The following CELSR3 variants were observed in gnomAD, a reference collection of about 807,000 sequenced individuals.
CELSR3 encodes EGF-like protein 1.
CELSR3 carries 73 observed loss-of-function variants against 270.0 expected under a neutral mutation model. The observed-to-expected ratio is 0.27, with a 90% CI of 0.22 to 0.33. CELSR3 has a LOEUF of 0.33. CELSR3 is among the 10% of genes least tolerant of loss of function. CELSR3 has a pLI of 1.00. For synonymous variants in CELSR3, 1,780 were observed against 1,905.4 expected, an observed-to-expected ratio of 0.93 and a Z score of 1.71; for missense variants, 3,614 against 4,533.8, an observed-to-expected ratio of 0.80 and a Z score of 5.83.
chr3:48,641,370 G>A lies in CELSR3; in HGVS notation c.8979C>T (p.Thr2993=). The A allele has an allele frequency of 6.2e-7, 1 of 1,612,464 alleles. No individual in the cohort carries two copies. The highest frequency in any genetic ancestry group is 8.5e-7 in the Non-Finnish European group (1 of 1,179,708). ...ANNNQPDPAL[T]SGDETSLGRA... ...GGCCCAGAGAAGTCTCATCCCCACT[G>A]GTCAGGGCCGGGTCTGGCTGGTTGT... The change falls in exon 33 of 35, where the codon ACC becomes ACT. Residue 2993 remains threonine, a synonymous_variant. Coordinates refer to ENST00000164024, the MANE Select transcript of CELSR3 (RefSeq NM_001407.3). The surrounding 1 kb of genome is among the most constrained non-coding windows in gnomAD (Gnocchi z 4.8).
At position 48,650,422 on chromosome 3, in the gene CELSR3, A is replaced by T; in HGVS notation, c.6472+58T>A. 8.0e-7 allele frequency: 1 copy of T among 1,252,146 alleles called. No homozygotes were observed. The highest frequency in any genetic ancestry group is 1.1e-6 in the Non-Finnish European group (1 of 880,572). The allele number at this position is 1,252,146 out of a possible 1,614,324, so 77.6% of individuals were successfully genotyped here. A position where few individuals can be genotyped will look rare whatever the true frequency, so the allele number is the denominator to read the frequency against. ...ATTTAGGAAAAGACATGGCTCTAGC[A>T]GTCAGAGTACAGGCCCACCCCCACC... On this transcript the variant is annotated intron_variant, in intron 16 of 34. Transcript: ENST00000164024. The surrounding 1 kb of genome is among the most constrained non-coding windows in gnomAD (Gnocchi z 5.1).
Position 48,651,018 on chromosome 3 carries a change from C to G in CELSR3, c.6244G>C (p.Val2082Leu), listed in dbSNP as rs199874370. The G allele has an allele frequency of 6.3e-7, 1 of 1,598,266 alleles. No homozygotes were observed. The highest frequency in any genetic ancestry group is 1.8e-5 in the Admixed American group (1 of 56,986). The change falls in exon 15 of 35, where the codon GTG becomes CTG. Residue 2082 changes from valine (V) to leucine (L), a missense_variant. Val to Leu is a conservative substitution (Grantham distance 32). Transcript: ENST00000164024. This position sits in a 1 kb window ranked among gnomAD's most constrained non-coding sequence, Gnocchi z 7.4. The part of the protein sequence containing the change: ...DSCLPCDCYP[V>L]GSTSRSCAPH... ...GCACATGAGCGCGAGGTGGAGCCCACAGGGTAGCAGTCACATGGGAGGCAA... is the reference window on the plus strand; with the variant it reads ...GCACATGAGCGCGAGGTGGAGCCCAGAGGGTAGCAGTCACATGGGAGGCAA...
Position 48,642,731 on chromosome 3 carries a change from C to G in CELSR3, c.8555+5G>C, listed in dbSNP as rs367991837. 3.1e-6 allele frequency: 5 copies of G among 1,608,460 alleles called. No individual in the cohort carries two copies. The highest frequency in any genetic ancestry group is 4.2e-6 in the Non-Finnish European group (5 of 1,179,228). On this transcript the variant is annotated splice_donor_5th_base_variant and intron_variant, in intron 30 of 34. Transcript: ENST00000164024. This position sits in a 1 kb window ranked among gnomAD's most constrained non-coding sequence, Gnocchi z 6.1. ...GTTCCCTCACAAGGAGGCTCTTCCT[C>G]TCACCTGAGGTAGCTGCGGCCCCGC...
chr3:48,644,920 G>T lies in CELSR3; in HGVS notation c.7973-92C>A. 1 of 1,508,800 alleles carries T rather than the reference G, an allele frequency of 6.6e-7. No individual in the cohort carries two copies. The highest frequency in any genetic ancestry group is 9.1e-7 in the Non-Finnish European group (1 of 1,097,906). The allele number at this position is 1,508,800 out of a possible 1,614,324, so 93.5% of individuals were successfully genotyped here. The stretch of plus-strand genomic sequence containing the variant: ...AGAAAGCATGGGTGAGGGCAGAGCA[G>T]CAACCCCATGAATAGATGGCTTGGG... On this transcript the variant is annotated intron_variant, in intron 25 of 34. Coordinates refer to ENST00000164024, the MANE Select transcript of CELSR3 (RefSeq NM_001407.3). The surrounding 1 kb of genome is among the most constrained non-coding windows in gnomAD (Gnocchi z 4.8).
In CELSR3 at chr3:48,644,398, G is replaced by GA. The variant is rs1363814071; in HGVS notation, c.8086-104dup. On this transcript the variant is annotated intron_variant, in intron 26 of 34. Coordinates refer to ENST00000164024, the MANE Select transcript of CELSR3 (RefSeq NM_001407.3). The surrounding 1 kb of genome is among the most constrained non-coding windows in gnomAD (Gnocchi z 4.8). ...AGACTAAGATTCACGGAGAGAGGCA[G>GA]AACCAGTGAGAAATTCACACATATA... 2.8e-6 allele frequency: 3 copies of GA among 1,077,160 alleles called. No individual in the cohort carries two copies. The Admixed American group carries it at 5.8e-5, about 21-fold the overall frequency. 66.7% of individuals were successfully genotyped at this position (1,077,160 alleles called of 1,614,324 possible).
rs1044679298 is a variant in CELSR3 at position 48,637,762 on chromosome 3, C to G, written c.*443G>C. 9.0e-5 allele frequency: 15 copies of G among 165,970 alleles called. No individual in the cohort carries two copies. Among genetic ancestry groups the G allele is most frequent in the Admixed American group, 6.7e-4 (11 of 16,464 alleles). 10.3% of individuals were successfully genotyped at this position (165,970 alleles called of 1,614,324 possible). On this transcript the variant is annotated 3_prime_UTR_variant, in exon 35 of 35. Coordinates refer to ENST00000164024, the MANE Select transcript of CELSR3 (RefSeq NM_001407.3). ...TTTGGGCCCCTGACGATACTCAGAT[C>G]AACTTGGGGGTGGAATAGGGGGAGG...
rs1454196428 is a variant in CELSR3 at position 48,642,280 on chromosome 3, C to T, written c.8665+78G>A. ...CGTCCCACCCCAGTCAGCCACTGCT[C>T]CCAGTATGGGGTAGAAGAAAAGGGG... On this transcript the variant is annotated intron_variant, in intron 31 of 34. Coordinates refer to ENST00000164024, the MANE Select transcript of CELSR3 (RefSeq NM_001407.3). The surrounding 1 kb of genome is among the most constrained non-coding windows in gnomAD (Gnocchi z 6.1). The T allele has an allele frequency of 6.8e-7, 1 of 1,464,722 alleles. No homozygotes were observed. The allele number at this position is 1,464,722 out of a possible 1,614,324, so 90.7% of individuals were successfully genotyped here.
At position 48,658,579 on chromosome 3, in the gene CELSR3, G is replaced by A. The variant is rs1327812659; in HGVS notation, c.3748+308C>T. Among the ~76,000 whole-genome samples the A allele has an allele frequency of 6.6e-6, 1 of 152,198 alleles. No homozygotes were observed. The highest frequency in any genetic ancestry group is 1.5e-5 in the Non-Finnish European group (1 of 68,024). On this transcript the variant is annotated intron_variant, in intron 1 of 34. Transcript: ENST00000164024. The surrounding 1 kb of genome is among the most constrained non-coding windows in gnomAD (Gnocchi z 4.7). The stretch of plus-strand genomic sequence containing the variant: ...ATACTGGCTTTGCCTAGGACCTCCA[G>A]AGGATTACCCCAGGACCTCTGACCT...
chr3:48,649,292 A>T (rs2047115679), intron 16 of CELSR3, 77 bp from the exon 17 acceptor site: 2 of 1,138,484 alleles, frequency 1.8e-6, no homozygotes. Flanking sequence ...ACCCTCTCCT[A>T]TGCTGGGGGA....
In CELSR3 at chr3:48,655,659, A is replaced by G. The variant is rs2047174021; in HGVS notation, c.4741+77T>C. On this transcript the variant is annotated intron_variant, in intron 4 of 34. Coordinates refer to ENST00000164024, the MANE Select transcript of CELSR3 (RefSeq NM_001407.3). This position sits in a 1 kb window ranked among gnomAD's most constrained non-coding sequence, Gnocchi z 5.8. ...GAGTGTGTGCTCAGGTGCACAGTGAAGCAAACCTGAGGGGACTTGGGCCCT... is the reference window on the plus strand; with the variant it reads ...GAGTGTGTGCTCAGGTGCACAGTGAGGCAAACCTGAGGGGACTTGGGCCCT... The G allele has an allele frequency of 2.3e-6, 3 of 1,290,980 alleles. No homozygotes were observed. Among genetic ancestry groups the G allele is most frequent in the East Asian group, 2.3e-5 (1 of 43,260 alleles). The allele number at this position is 1,290,980 out of a possible 1,614,324, so 80.0% of individuals were successfully genotyped here. A position where few individuals can be genotyped will look rare whatever the true frequency, so the allele number is the denominator to read the frequency against.
intron 34 of CELSR3, among the ~76,000 whole-genome samples, chr3:48,638,611 G>A (rs965929056): frequency 8.3e-4 from 124 of 149,238 alleles, no homozygotes; most frequent in Non-Finnish European, 2.2e-4. Context: ...CTAAGGTCAC[G>A]CAGCTAGTAA....
Position 48,640,064 on chromosome 3 carries a change from A to G in CELSR3, c.9521T>C (p.Leu3174Pro), listed in dbSNP as rs747011400. 6.2e-7 allele frequency: 1 copy of G among 1,610,654 alleles called. No homozygotes were observed. ...DLDPQPPPLP[L>P]SPQRQLSRDP... Reference sequence around the variant, plus strand: ...CCTTGAGAGTTGCCGCTGGGGAGACAGGGGCAGAGGTGGGGGCTGTGGGTC... The same window carrying G: ...CCTTGAGAGTTGCCGCTGGGGAGACGGGGGCAGAGGTGGGGGCTGTGGGTC... The change falls in exon 34 of 35, where the codon CTG (leucine) becomes CCG (proline). Residue 3174 changes from leucine (L) to proline (P), a missense_variant. Leu to Pro is a moderately conservative substitution (Grantham distance 98). Around this residue, in one of 7 missense-constraint regions of CELSR3, gnomAD observed 1,240 missense variants for 1,351.7 expected, o/e 0.92. Coordinates refer to ENST00000164024, the MANE Select transcript of CELSR3 (RefSeq NM_001407.3). The surrounding 1 kb of genome is among the most constrained non-coding windows in gnomAD (Gnocchi z 7.5).
At position 48,644,665 on chromosome 3, in the gene CELSR3, C is replaced by T; in HGVS notation, c.8085+51G>A. The T allele has an allele frequency of 6.9e-7, 1 of 1,445,856 alleles. No individual in the cohort carries two copies. The highest frequency in any genetic ancestry group is 9.7e-7 in the Non-Finnish European group (1 of 1,031,486). 89.6% of individuals were successfully genotyped at this position (1,445,856 alleles called of 1,614,324 possible). On this transcript the variant is annotated intron_variant, in intron 26 of 34. Coordinates refer to ENST00000164024, the MANE Select transcript of CELSR3 (RefSeq NM_001407.3). This position sits in a 1 kb window ranked among gnomAD's most constrained non-coding sequence, Gnocchi z 4.8. ...TCAGCTGAGTCCACTGCACCTCCTC[C>T]CCCAATGAGGGAGGGAAGTACAGAG...
rs774434052 is a variant in CELSR3, at chr3:48,643,544, C to T, written c.8289+10G>A. ...CTGGTTCTGGGGCAAGGGAGGGGCA[C>T]CAGAGTCACCTGGAGGCCGCAGAGT... is the stretch of plus-strand genomic sequence containing the variant. On this transcript the variant is annotated intron_variant, in intron 28 of 34. Coordinates refer to ENST00000164024, the MANE Select transcript of CELSR3 (RefSeq NM_001407.3). 1 of 1,548,800 alleles carries T rather than the reference C, an allele frequency of 6.5e-7. No individual in the cohort carries two copies. The highest frequency in any genetic ancestry group is 8.7e-7 in the Non-Finnish European group (1 of 1,145,936).
Position 48,656,904 on chromosome 3 carries a change from G to C in CELSR3, c.4193C>G (p.Ser1398Trp), listed in dbSNP as rs747229038. 12 of 1,610,146 alleles carry C rather than the reference G, an allele frequency of 7.5e-6. No homozygotes were observed. The highest frequency in any genetic ancestry group is 1.3e-5 in the African/African-American group (1 of 74,880). ...MKCVSVLRFD[S>W]SAPFLASAST... ...GGCCGAGGCCAGGAAGGGCGCGGACGAGTCAAAGCGGAGCACGGACACGCA... is the reference window on the plus strand; with the variant it reads ...GGCCGAGGCCAGGAAGGGCGCGGACCAGTCAAAGCGGAGCACGGACACGCA... The change falls in exon 2 of 35, where the codon TCG becomes TGG. Residue 1398 changes from serine to tryptophan, a missense_variant. This residue lies in a region of CELSR3 where 1,331 missense variants were observed against 1,933.7 expected (regional missense o/e 0.69). Coordinates refer to ENST00000164024, the MANE Select transcript of CELSR3 (RefSeq NM_001407.3).
In CELSR3 at chr3:48,654,980, T is replaced by C; in HGVS notation, c.4988+64A>G. 6.8e-7 allele frequency: 1 copy of C among 1,465,668 alleles called. No individual in the cohort carries two copies. Among genetic ancestry groups the C allele is most frequent in the Non-Finnish European group, 9.5e-7 (1 of 1,047,980 alleles). 90.8% of individuals were successfully genotyped at this position (1,465,668 alleles called of 1,614,324 possible). A position where few individuals can be genotyped will look rare whatever the true frequency, so the allele number is the denominator to read the frequency against. ...TGGCAGGATGGGATGAGGAATGGGATGTGAAGGGTTGGAGTGGGCTTTGGT... is the reference window on the plus strand; with the variant it reads ...TGGCAGGATGGGATGAGGAATGGGACGTGAAGGGTTGGAGTGGGCTTTGGT... On this transcript the variant is annotated intron_variant, in intron 6 of 34. Coordinates refer to ENST00000164024, the MANE Select transcript of CELSR3 (RefSeq NM_001407.3). This position sits in a 1 kb window ranked among gnomAD's most constrained non-coding sequence, Gnocchi z 5.4.
In CELSR3 at chr3:48,661,564, G is replaced by A. The variant is rs1352897606; in HGVS notation, c.1071C>T (p.Ala357=). ...VVAQDPDAGE[A]GRLVYSLAAL... Reference sequence around the variant, plus strand: ...CCGCCAGCGAGTAGACTAGGCGCCCGGCCTCGCCGGCGTCCGGGTCCTGAG... The same window carrying A: ...CCGCCAGCGAGTAGACTAGGCGCCCAGCCTCGCCGGCGTCCGGGTCCTGAG... Residue 357 remains alanine, a synonymous_variant, in exon 1 of 35, where the codon GCC becomes GCT. Transcript: ENST00000164024. The A allele has an allele frequency of 6.2e-7, 1 of 1,608,526 alleles. No homozygotes were observed. Among genetic ancestry groups the A allele is most frequent in the Non-Finnish European group, 8.5e-7 (1 of 1,178,880 alleles).
In CELSR3 at chr3:48,644,352, GA is replaced by G; in HGVS notation, c.8086-58del. The stretch of plus-strand genomic sequence containing the variant: ...CAGGGCAGAGAGAGAGAGAGAGAGA[GA>G]GGCAATGAGAGACAGAGAGAGACTA... On this transcript the variant is annotated intron_variant, in intron 26 of 34. Transcript: ENST00000164024. This position sits in a 1 kb window ranked among gnomAD's most constrained non-coding sequence, Gnocchi z 4.8. 4 of 1,457,842 alleles carry G rather than the reference GA, an allele frequency of 2.7e-6. No homozygotes were observed. Among genetic ancestry groups the G allele is most frequent in the South Asian group, 2.3e-5 (2 of 86,966 alleles). 90.3% of individuals were successfully genotyped at this position (1,457,842 alleles called of 1,614,324 possible).
chr3:48,639,594 G>A lies in CELSR3; in HGVS notation c.9911+80C>T. 6.4e-7 allele frequency: 1 copy of A among 1,550,800 alleles called. No individual in the cohort carries two copies. Among genetic ancestry groups the A allele is most frequent in the Non-Finnish European group, 8.8e-7 (1 of 1,141,572 alleles). ...TGTCTGCCAGCCCTCATCCCCTTCTGTGGCAGAACACAGGGCAGGGCACAC... is the reference window on the plus strand; with the variant it reads ...TGTCTGCCAGCCCTCATCCCCTTCTATGGCAGAACACAGGGCAGGGCACAC... On this transcript the variant is annotated intron_variant, in intron 34 of 34. Coordinates refer to ENST00000164024, the MANE Select transcript of CELSR3 (RefSeq NM_001407.3). This position sits in a 1 kb window ranked among gnomAD's most constrained non-coding sequence, Gnocchi z 4.1.
Sources: allele counts gnomAD v4.1 joint callset (sites outside exome capture counted in the v4.1 genomes callset), GRCh38; gene constraint gnomAD v4.1.1; regional missense constraint gnomAD v4.1.1; non-coding constraint Gnocchi (gnomAD v3.1); transcripts MANE v1.5; gene names NCBI Gene and HGNC (gene_info 2026-07-23, HGNC 2026-07-21).